The following ZC3H12B variants were observed in gnomAD, a reference collection of about 807,000 sequenced individuals.
The protein encoded by ZC3H12B is zinc finger CCCH-type containing 12B.
In ZC3H12B, 7 loss-of-function variants were observed where a neutral mutation model predicts 43.9. The ratio of observed to expected loss-of-function variants is 0.16; its 90% CI spans 0.09 to 0.30. The LOEUF is 0.30. Ranked by LOEUF, ZC3H12B falls within the 10% of genes least tolerant of loss-of-function variation. The pLI is 1.00. For synonymous variants in ZC3H12B, 222 were observed against 241.7 expected, an observed-to-expected ratio of 0.92 and a Z score of 0.76; for missense variants, 475 against 670.2, an observed-to-expected ratio of 0.71 and a Z score of 3.22.
the ZC3H12B span, among the ~76,000 whole-genome samples, chrX:65,036,706 A>ATT: frequency 1.2e-4 from 13 of 107,293 alleles, no homozygotes; most frequent in African/African-American, 4.1e-4. Context: ...TCCAAAGGTA[A>ATT]TTTTTTTTTT....
At chrX:65,366,847 C>T (rs1451846488) in intron 1 of ZC3H12B, 81 bp downstream of exon 3, 1 of 112,120 alleles carries the variant, frequency 8.9e-6, no homozygotes, top group African/African-American at 3.2e-5. Flanking sequence ...CAAAACATTG[C>T]TTCTTATTAT....
chrX:65,048,005 A>G, the ZC3H12B span, among the ~76,000 whole-genome samples: 1 of 111,353 alleles, frequency 9.0e-6, no homozygotes, highest in Non-Finnish European at 1.9e-5. Context: ...ATGCACATTA[A>G]TGTCCAGAAG....
At chrX:65,437,417 C>T (rs751160407) in intron 3 of ZC3H12B, among the ~76,000 whole-genome samples, 1 of 112,107 alleles carries the variant, frequency 8.9e-6, no homozygotes. Context: ...TCTTTCTATG[C>T]CTGGCTTAGG....
At chrX:65,488,391 AG>A (rs2068157021), upstream of ZC3H12B, among the ~76,000 whole-genome samples, 1 of 73,064 alleles carries the variant, frequency 1.4e-5, no homozygotes, top group African/African-American at 6.4e-5. Flanking sequence ...TCCATGTCGC[AG>A]GGTGGGGTAG....
chrX:65,129,377 A>G, the ZC3H12B span, among the ~76,000 whole-genome samples: 1 of 109,267 alleles, frequency 9.2e-6, no homozygotes, highest in Non-Finnish European at 1.9e-5. Context: ...ACCTGGGTGC[A>G]GGTGGGCTGA....
At chrX:65,159,238 A>C in the ZC3H12B span, among the ~76,000 whole-genome samples, 77 of 111,920 alleles carry the variant, frequency 6.9e-4, no homozygotes, top group African/African-American at 2.4e-3. Context: ...TTGGCTTAGC[A>C]TTGACTTGGC....
At chrX:65,315,717 A>G in the ZC3H12B span, among the ~76,000 whole-genome samples, 2 of 112,325 alleles carry the variant, frequency 1.8e-5, no homozygotes, top group Middle Eastern at 4.2e-3. Flanking sequence ...CACACAGATG[A>G]GAAAGAACCA....
chrX:65,211,077 A>T, the ZC3H12B span, among the ~76,000 whole-genome samples: 6 of 85,136 alleles, frequency 7.0e-5, no homozygotes, highest in Non-Finnish European at 1.2e-4. Context: ...TAATAAAAAA[A>T]AAAAAAGAAA....
chrX:65,386,735 A>T lies in ZC3H12B; in HGVS notation n.296-11858A>T, dbSNP rs188202017. On this transcript the variant is annotated intron_variant and non_coding_transcript_variant, in intron 2 of 5. Coordinates refer to the ZC3H12B transcript ENST00000617377. ...CTTCTCTAGTTCTTTTAATTGTGATATTAGGGTGTCAATTTTGGATCTTTC... is the reference window on the plus strand; with the variant it reads ...CTTCTCTAGTTCTTTTAATTGTGATTTTAGGGTGTCAATTTTGGATCTTTC... Among the ~76,000 whole-genome samples the T allele has an allele frequency of 3.0e-3, 329 of 110,755 alleles. 1 individual carries two copies. Among genetic ancestry groups the T allele is most frequent in the Non-Finnish European group, 5.2e-3 (275 of 52,837 alleles).
chrX:65,242,838 C>G, the ZC3H12B span, among the ~76,000 whole-genome samples: 2 of 112,196 alleles, frequency 1.8e-5, no homozygotes, highest in African/African-American at 3.2e-5. Flanking sequence ...CATTTGCAGT[C>G]AACTCATTTT....
chrX:65,499,237 C>T lies in ZC3H12B; in HGVS notation c.983+4C>T, dbSNP rs1171382840. On this transcript the variant is annotated splice_donor_region_variant and intron_variant, in intron 3 of 4. Transcript: ENST00000338957. Reference sequence around the variant, plus strand: ...TGTATTCTTTTGTGAATGACAAGTGCGTTTCTTTCCAGTAGGCCTATATCC... The same window carrying T: ...TGTATTCTTTTGTGAATGACAAGTGTGTTTCTTTCCAGTAGGCCTATATCC... 10 of 1,162,389 alleles carry T rather than the reference C, an allele frequency of 8.6e-6. No individual in the cohort carries two copies. Among genetic ancestry groups the T allele is most frequent in the East Asian group, 3.0e-5 (1 of 33,400 alleles).
chrX:65,266,035 T>A, the ZC3H12B span, among the ~76,000 whole-genome samples: 3 of 111,529 alleles, frequency 2.7e-5, no homozygotes, highest in Non-Finnish European at 5.7e-5. Flanking sequence ...TTGAGGAGGC[T>A]GAAATGGCTG....
the ZC3H12B span, among the ~76,000 whole-genome samples, chrX:65,169,232 T>A: frequency 8.9e-6 from 1 of 112,163 alleles, no homozygotes. Context: ...TGGTATGTTG[T>A]GTCTTTGTAC....
chrX:65,251,194 A>G, the ZC3H12B span, among the ~76,000 whole-genome samples: 2 of 111,947 alleles, frequency 1.8e-5, no homozygotes, highest in Admixed American at 1.9e-4. Flanking sequence ...TTAAATAGGG[A>G]ATCGTTTCCC....
chrX:65,400,819 A>G (rs2066753896), intron 3 of ZC3H12B, among the ~76,000 whole-genome samples: 1 of 111,785 alleles, frequency 8.9e-6, no homozygotes, highest in African/African-American at 3.3e-5. Flanking sequence ...AATAATCTCT[A>G]CCTGGTGATA....
chrX:65,209,646 G>A, the ZC3H12B span, among the ~76,000 whole-genome samples: 3 of 110,033 alleles, frequency 2.7e-5, no homozygotes, highest in Non-Finnish European at 1.9e-5. Context: ...TGAAAAAAAT[G>A]TATATTCTGT....
At chrX:65,161,565 T>G in the ZC3H12B span, among the ~76,000 whole-genome samples, 1 of 111,790 alleles carries the variant, frequency 8.9e-6, no homozygotes, top group African/African-American at 3.3e-5. Flanking sequence ...GTCTGTTTTA[T>G]CAGAGACTAG....
exon 2 of ZC3H12B, chrX:65,497,252 C>T (rs1467489513): frequency 1.7e-6 from 2 of 1,207,478 alleles, no homozygotes; most frequent in Admixed American, 4.4e-5. Flanking sequence ...AGCAATCCCG[C>T]CCTGATGCAC....
At chrX:65,473,049 T>C (rs1200130049) in intron 3 of ZC3H12B, among the ~76,000 whole-genome samples, 1 of 100,386 alleles carries the variant, frequency 1.0e-5, no homozygotes, top group Non-Finnish European at 2.0e-5. Flanking sequence ...GTTTTACTCT[T>C]GTTGCCCAGG....
Sources: allele counts gnomAD v4.1 joint callset (sites outside exome capture counted in the v4.1 genomes callset), GRCh38; gene constraint gnomAD v4.1.1; transcripts MANE v1.5; gene names NCBI Gene and HGNC (gene_info 2026-07-23, HGNC 2026-07-21).